LAMP1: variants seen among roughly 807,000 people sequenced by gnomAD.
The protein encoded by LAMP1 is lysosome-associated membrane glycoprotein 1.
Under a neutral mutation model 37.5 loss-of-function variants are expected in LAMP1, and 7 were observed. That is an observed-to-expected ratio of 0.19 (90% CI 0.11 to 0.35). LAMP1 has a LOEUF of 0.35. Ranked by LOEUF, LAMP1 falls within the 10% of genes least tolerant of loss-of-function variation. LAMP1 has a pLI of 1.00. For synonymous variants in LAMP1, 236 were observed against 229.1 expected, an observed-to-expected ratio of 1.03 and a Z score of -0.27; for missense variants, 537 against 552.8, an observed-to-expected ratio of 0.97 and a Z score of 0.29.
chr13:113,300,583 G>T (rs963886000), intron 1 of LAMP1, among the ~76,000 whole-genome samples: 2 of 151,826 alleles, frequency 1.3e-5, no homozygotes, highest in Non-Finnish European at 2.9e-5. Context: ...GAGGCAGGCC[G>T]ATCACTAGGT....
In LAMP1 at chr13:113,322,308, A is replaced by T. The variant is rs1206975062; in HGVS notation, c.1141A>T (p.Ser381Cys). The change falls in exon 9 of 9, where the codon AGC (serine) becomes TGC (cysteine). Residue 381 changes from serine to cysteine, a missense_variant. By Grantham distance (112) the Ser-to-Cys change is moderately radical (BLOSUM62 -1). Transcript: ENST00000332556. ...SVEECLLDEN[S>C]MLIPIAVGGA... ...GGAGGAGTGTCTGCTGGACGAGAAC[A>T]GCATGCTGATCCCCATCGCTGTGGG... 6.2e-7 allele frequency: 1 copy of T among 1,613,460 alleles called. No homozygotes were observed. Among genetic ancestry groups the T allele is most frequent in the Non-Finnish European group, 8.5e-7 (1 of 1,179,864 alleles).
chr13:113,312,947 A>G (rs1379932008), intron 4 of LAMP1, among the ~76,000 whole-genome samples: 1 of 152,118 alleles, frequency 6.6e-6, no homozygotes, highest in Non-Finnish European at 1.5e-5. Flanking sequence ...TGGGCTCCAC[A>G]CCTAGCTGGC....
chr13:113,307,795 TTAAA>T (rs749674580), intron 2 of LAMP1, among the ~76,000 whole-genome samples: 1 of 116,824 alleles, frequency 8.6e-6, no homozygotes, highest in Non-Finnish European at 1.7e-5. Context: ...TATCTCTTTT[TTAAA>T]AAAAAAAAAA....
intron 8 of LAMP1, 134 bp from the exon 9 acceptor site, chr13:113,322,148 T>A: frequency 9.6e-7 from 1 of 1,037,144 alleles, no homozygotes; most frequent in Non-Finnish European, 1.4e-6. Flanking sequence ...AAGTGACAAT[T>A]CCAGCTAGAG....
chr13:113,303,999 C>T (rs1178648409), intron 1 of LAMP1, among the ~76,000 whole-genome samples: 2 of 152,058 alleles, frequency 1.3e-5, no homozygotes, highest in African/African-American at 4.8e-5. Flanking sequence ...GCACGAGAAT[C>T]GCTTGAACCT....
intron 3 of LAMP1, among the ~76,000 whole-genome samples, chr13:113,310,387 G>A (rs1007260656): frequency 2.6e-5 from 4 of 151,956 alleles, no homozygotes; most frequent in Non-Finnish European, 5.9e-5. Flanking sequence ...TTAGCTGGGC[G>A]TGGTGGCGCG....
chr13:113,321,696 T>C lies in LAMP1; in HGVS notation c.1083T>C (p.Ala361=), dbSNP rs2042701371. ...ATATATTCAAAGTGTGGGTCCAGGC[T>C]TTCAAGGTGGAAGGTGGCCAGTTTG... ...SVNIFKVWVQ[A]FKVEGGQFGS... is the part of the protein sequence containing the mutation. The change falls in exon 8 of 9, where the codon GCT becomes GCC. Residue 361 remains alanine (A), a synonymous_variant. Transcript: ENST00000332556. The surrounding 1 kb of genome is among the most constrained non-coding windows in gnomAD (Gnocchi z 5.6). The C allele has an allele frequency of 6.2e-7, 1 of 1,614,058 alleles. No homozygotes were observed. Among genetic ancestry groups the C allele is most frequent in the African/African-American group, 1.3e-5 (1 of 74,930 alleles).
chr13:113,305,142 T>C (rs1193819529), intron 1 of LAMP1: 1 of 152,208 alleles, frequency 6.6e-6, no homozygotes, highest in Non-Finnish European at 1.5e-5. Context: ...TTCCAGGGAA[T>C]AGGATTTTAA....
At position 113,321,695 on chromosome 13, in the gene LAMP1, C is replaced by T. The variant is rs2042701360; in HGVS notation, c.1082C>T (p.Ala361Val). The change falls in exon 8 of 9, where the codon GCT becomes GTT. Residue 361 changes from alanine to valine, a missense_variant. By Grantham distance (64) the Ala-to-Val change is moderately conservative. Coordinates refer to ENST00000332556, the MANE Select transcript of LAMP1 (RefSeq NM_005561.4). This position sits in a 1 kb window ranked among gnomAD's most constrained non-coding sequence, Gnocchi z 5.6. ...SVNIFKVWVQ[A>V]FKVEGGQFGS... is the part of the protein sequence containing the mutation. ...AATATATTCAAAGTGTGGGTCCAGG[C>T]TTTCAAGGTGGAAGGTGGCCAGTTT... is the stretch of plus-strand genomic sequence containing the variant. 6.2e-7 allele frequency: 1 copy of T among 1,614,056 alleles called. No individual in the cohort carries two copies. Among genetic ancestry groups the T allele is most frequent in the Non-Finnish European group, 8.5e-7 (1 of 1,180,030 alleles).
At chr13:113,318,682 G>A (rs1471483617) in intron 4 of LAMP1, among the ~76,000 whole-genome samples, 2 of 152,094 alleles carry the variant, frequency 1.3e-5, no homozygotes, top group African/African-American at 2.4e-5. Context: ...GGGGTGCCAT[G>A]TGCCCCCCCA....
intron 3 of LAMP1, among the ~76,000 whole-genome samples, chr13:113,310,117 T>A (rs770589266): frequency 1.1e-4 from 17 of 152,004 alleles, no homozygotes; most frequent in Non-Finnish European, 2.4e-4. Context: ...TAATCCCAGC[T>A]ACTCGGGAGG....
rs148927349 is a variant in LAMP1, at chr13:113,304,163, G to A, written c.62-2322G>A. Among the ~76,000 whole-genome samples the A allele has an allele frequency of 2.7e-3, 414 of 152,330 alleles. 4 individuals are homozygous for A. Among genetic ancestry groups the A allele is most frequent in the African/African-American group, 9.6e-3 (397 of 41,570 alleles). On this transcript the variant is annotated intron_variant, in intron 1 of 8. Coordinates refer to ENST00000332556, the MANE Select transcript of LAMP1 (RefSeq NM_005561.4). ...GACTTAGTTTGAAATATTTCCTAAT[G>A]AAGTGCTTCGGGTCAGTGAAAAGTG...
At position 113,322,447 on chromosome 13, in the gene LAMP1, G is replaced by A; in HGVS notation, c.*26G>A. 2 of 1,591,180 alleles carry A rather than the reference G, an allele frequency of 1.3e-6. No homozygotes were observed. Among genetic ancestry groups the A allele is most frequent in the Non-Finnish European group, 1.7e-6 (2 of 1,164,130 alleles). ...CCTGGTGCACGCAGGCACAGCAGCT[G>A]CAGGGGCCTCTGTTCCTTTCTCTGG... On this transcript the variant is annotated 3_prime_UTR_variant, in exon 9 of 9. Transcript: ENST00000332556.
chr13:113,319,900 G>T (rs1042534846), intron 5 of LAMP1, among the ~76,000 whole-genome samples: 2 of 152,264 alleles, frequency 1.3e-5, no homozygotes, highest in Admixed American at 6.5e-5. Flanking sequence ...GGCCTATTGG[G>T]CAGTGTGGCC....
intron 1 of LAMP1, among the ~76,000 whole-genome samples, chr13:113,298,085 T>G (rs2042552246): frequency 6.6e-6 from 1 of 152,216 alleles, no homozygotes; most frequent in African/African-American, 2.4e-5. Flanking sequence ...TTAAAATAAT[T>G]TTTAAAGTTA....
Position 113,322,307 on chromosome 13 carries a change from C to T in LAMP1, c.1140C>T (p.Asn380=), listed in dbSNP as rs765367131. The T allele has an allele frequency of 1.9e-6, 3 of 1,613,392 alleles. No homozygotes were observed. Among genetic ancestry groups the T allele is most frequent in the East Asian group, 2.2e-5 (1 of 44,866 alleles). The change falls in exon 9 of 9, where the codon AAC becomes AAT. Residue 380 remains asparagine, a synonymous_variant. Transcript: ENST00000332556. ...GSVEECLLDE[N]SMLIPIAVGG... is the part of the protein sequence containing the mutation. ...TGGAGGAGTGTCTGCTGGACGAGAA[C>T]AGCATGCTGATCCCCATCGCTGTGG...
intron 4 of LAMP1, among the ~76,000 whole-genome samples, chr13:113,315,123 C>G (rs895075147): frequency 5.4e-5 from 7 of 128,470 alleles, no homozygotes; most frequent in Non-Finnish European, 1.0e-4. Flanking sequence ...GTGCCTGGGG[C>G]GTGGCCTCCT....
intron 3 of LAMP1, among the ~76,000 whole-genome samples, chr13:113,310,077 A>G (rs2042621824): frequency 1.3e-5 from 2 of 151,928 alleles, no homozygotes; most frequent in Non-Finnish European, 2.9e-5. Flanking sequence ...AAAAATACTA[A>G]AATTAGCCAG....
At chr13:113,303,607 C>T (rs1208173697) in intron 1 of LAMP1, among the ~76,000 whole-genome samples, 1 of 152,052 alleles carries the variant, frequency 6.6e-6, no homozygotes, top group East Asian at 1.9e-4. Context: ...TACATTTCCT[C>T]CTCAAGCTCT....
Sources: gnomAD v4.1 joint callset for allele counts (sites outside exome capture counted in the v4.1 genomes callset) on GRCh38, gnomAD v4.1.1 for gene constraint, Gnocchi (gnomAD v3.1) non-coding constraint, MANE v1.5 for transcripts, NCBI Gene and HGNC (gene_info 2026-07-23, HGNC 2026-07-21) for gene names.